The following HMCN1 variants were observed in gnomAD, a reference collection of about 807,000 sequenced individuals.
HMCN1 encodes hemicentin 1.
HMCN1 carries 321 observed loss-of-function variants against 625.9 expected under a neutral mutation model. The observed-to-expected ratio is 0.51, with a 90% CI of 0.47 to 0.56. The LOEUF is 0.56. Ranked by LOEUF, HMCN1 falls within the 20% of genes least tolerant of loss-of-function variation. The probability of loss-of-function intolerance (pLI) is 0.00; values close to 1 mark genes in which losing one functional copy is unlikely to be tolerated. For missense variants in HMCN1, 6,588 were observed against 6,887.3 expected (o/e 0.96, Z 1.54); for synonymous variants, 2,425 against 2,417.6 (o/e 1.00, Z -0.09).
chr1:185,910,842 T>G (rs780950752), intron 5 of HMCN1, among the ~76,000 whole-genome samples: 1 of 152,166 alleles, frequency 6.6e-6, no homozygotes, highest in Non-Finnish European at 1.5e-5. Flanking sequence ...GTGTTGGGAT[T>G]ACAGGCGTGA....
intron 68 of HMCN1, among the ~76,000 whole-genome samples, chr1:186,101,612 G>A (rs377667582): frequency 8.5e-5 from 13 of 152,048 alleles, no homozygotes; most frequent in African/African-American, 2.4e-4. Context: ...GAGTAAAATA[G>A]TTCACAATCA....
intron 1 of HMCN1, among the ~76,000 whole-genome samples, chr1:185,779,358 C>A (rs1254032044): frequency 2.6e-5 from 4 of 152,160 alleles, no homozygotes; most frequent in African/African-American, 7.2e-5. Flanking sequence ...TAATTAGATC[C>A]CATTTGTCAA....
chr1:186,174,423 C>A (rs1652431594), intron 102 of HMCN1, 91 bp from the exon 103 acceptor site: 31 of 1,490,014 alleles, frequency 2.1e-5, no homozygotes, highest in Non-Finnish European at 2.7e-5. Flanking sequence ...GAAATGCAAC[C>A]TTTGGCAATT....
At position 185,788,074 on chromosome 1, in the gene HMCN1, G is replaced by A. The variant is rs983959068; in HGVS notation, c.268+53027G>A. 6.6e-5 allele frequency among the ~76,000 whole-genome samples: 10 copies of A among 152,238 alleles called. No homozygotes were observed. The East Asian group carries it at 1.9e-3, about 29-fold the overall frequency. On this transcript the variant is annotated intron_variant, in intron 1 of 106. Coordinates refer to ENST00000271588, the MANE Select transcript of HMCN1 (RefSeq NM_031935.3). The stretch of plus-strand genomic sequence containing the variant: ...GCTGTCTCCTGCAGCTCATGACCCA[G>A]CAAATTAAATTACATTTATTTTAGG...
chr1:186,066,272 T>C (rs1404724262), intron 49 of HMCN1, among the ~76,000 whole-genome samples: 1 of 152,026 alleles, frequency 6.6e-6, no homozygotes, highest in African/African-American at 2.4e-5. Context: ...TCTGGTATTA[T>C]ATATATGTTC....
intron 11 of HMCN1, among the ~76,000 whole-genome samples, chr1:185,954,232 T>C (rs888660395): frequency 2.6e-5 from 4 of 152,154 alleles, no homozygotes; most frequent in African/African-American, 9.7e-5. Context: ...TAATGAAAAA[T>C]ATATTTGTGA....
At chr1:186,160,954 G>C (rs1651422477) in intron 97 of HMCN1, among the ~76,000 whole-genome samples, 1 of 151,986 alleles carries the variant, frequency 6.6e-6, no homozygotes, top group South Asian at 2.1e-4. Context: ...GTGCAGAGCT[G>C]AGTTCAATTC....
chr1:186,062,598 C>A lies in HMCN1; in HGVS notation c.7511C>A (p.Thr2504Lys), dbSNP rs76748242. Residue 2504 changes from threonine (T) to lysine (K), a missense_variant and splice_region_variant, in exon 48 of 107, where the codon ACA becomes AAA. Transcript: ENST00000271588. The stretch of plus-strand genomic sequence containing the variant: ...AGTGTTACGCTGACTTGTGAAGTGA[C>A]AGGTATGGGCTCAGCTCTCAGACTT... ...KQSVTLTCEV[T>K]GNPVPEITWH... 2,660 of 1,602,626 alleles carry A rather than the reference C, an allele frequency of 1.7e-3. 45 individuals carry two copies. The African/African-American group carries it at 0.032, about 19-fold the overall frequency.
At chr1:185,782,823 C>G (rs1045535733) in intron 1 of HMCN1, among the ~76,000 whole-genome samples, 3 of 152,080 alleles carry the variant, frequency 2.0e-5, no homozygotes, top group Non-Finnish European at 2.9e-5. Flanking sequence ...AATTATGTGT[C>G]TTGGAGTTGC....
In HMCN1 at chr1:186,189,664, C is replaced by T. The variant is rs759590417; in HGVS notation, c.16694C>T (p.Pro5565Leu). The T allele has an allele frequency of 6.2e-7, 1 of 1,611,868 alleles. No homozygotes were observed. Among genetic ancestry groups the T allele is most frequent in the Admixed American group, 1.7e-5 (1 of 59,894 alleles). ...VAYTQDGVMH[P>L]RTTFLMVDEE... ...TACACACAGGATGGAGTGATGCATCCCAGGACAACTTTCCTCATGGTAGAT... is the reference window on the plus strand; with the variant it reads ...TACACACAGGATGGAGTGATGCATCTCAGGACAACTTTCCTCATGGTAGAT... The change falls in exon 107 of 107, where the codon CCC (proline) becomes CTC (leucine). Residue 5565 changes from proline (P) to leucine (L), a missense_variant. By Grantham distance (98) the Pro-to-Leu change is moderately conservative. Coordinates refer to ENST00000271588, the MANE Select transcript of HMCN1 (RefSeq NM_031935.3).
intron 1 of HMCN1, among the ~76,000 whole-genome samples, chr1:185,837,904 A>T (rs1217949204): frequency 1.3e-5 from 2 of 152,208 alleles, no homozygotes; most frequent in Non-Finnish European, 2.9e-5. Flanking sequence ...TACCAGTCAA[A>T]TGCTCTGATA....
chr1:185,978,302 T>C (rs966700849), intron 16 of HMCN1, among the ~76,000 whole-genome samples: 1 of 152,168 alleles, frequency 6.6e-6, no homozygotes, highest in Admixed American at 6.6e-5. Context: ...CCTTGATTCT[T>C]GTAACAATTG....
intron 14 of HMCN1, among the ~76,000 whole-genome samples, chr1:185,966,467 G>A (rs1488600946): frequency 6.6e-6 from 1 of 152,074 alleles, no homozygotes; most frequent in African/African-American, 2.4e-5. Flanking sequence ...GCACCTCTGT[G>A]ATTCCATAAT....
chr1:185,925,817 G>T (rs1039438571), intron 9 of HMCN1, among the ~76,000 whole-genome samples: 1 of 152,170 alleles, frequency 6.6e-6, no homozygotes, highest in Non-Finnish European at 1.5e-5. Flanking sequence ...AAGTGCAAAT[G>T]CATGAAGGCT....
chr1:185,951,260 G>A (rs1308466434), intron 11 of HMCN1, among the ~76,000 whole-genome samples: 1 of 151,114 alleles, frequency 6.6e-6, no homozygotes, highest in Admixed American at 6.6e-5. Context: ...TAGTTAAGGT[G>A]TCTCAGCCTA....
chr1:185,804,143 T>G (rs1488658188), intron 1 of HMCN1, among the ~76,000 whole-genome samples: 1 of 152,030 alleles, frequency 6.6e-6, no homozygotes, highest in East Asian at 1.9e-4. Context: ...TTGAAATGGC[T>G]AAAGAGGGCA....
intron 1 of HMCN1, among the ~76,000 whole-genome samples, chr1:185,762,252 A>AG (rs1655560653): frequency 6.6e-6 from 1 of 152,144 alleles, no homozygotes; most frequent in Non-Finnish European, 1.5e-5. Context: ...ATCTCCATAT[A>AG]TTTTTTAAAT....
intron 1 of HMCN1, among the ~76,000 whole-genome samples, chr1:185,810,668 G>A (rs931467203): frequency 1.4e-3 from 207 of 152,006 alleles, no homozygotes; most frequent in African/African-American, 4.8e-3. Context: ...GTGTGTGTGT[G>A]TGTGTGTGTG....
At chr1:185,818,712 C>T (rs1659991965) in intron 1 of HMCN1, among the ~76,000 whole-genome samples, 1 of 151,858 alleles carries the variant, frequency 6.6e-6, no homozygotes, top group Non-Finnish European at 1.5e-5. Flanking sequence ...TGATATGTGC[C>T]CAATAACTAC....
Sources: gnomAD v4.1 joint callset for allele counts (sites outside exome capture counted in the v4.1 genomes callset) on GRCh38, gnomAD v4.1.1 for gene constraint, MANE v1.5 for transcripts, NCBI Gene and HGNC (gene_info 2026-07-23, HGNC 2026-07-21) for gene names.